Variants in SCRN3 observed in about 807,000 individuals in gnomAD.
The protein encoded by SCRN3 is secernin 3.
Under a neutral mutation model 43.1 loss-of-function variants are expected in SCRN3, and 39 were observed. The observed-to-expected ratio is 0.91, with a 90% CI of 0.70 to 1.18. The LOEUF (loss-of-function observed/expected upper bound fraction) is 1.18. Ranked by LOEUF, SCRN3 falls within the 50% of genes most tolerant of loss-of-function variation. The pLI, the probability that SCRN3 is intolerant of heterozygous loss-of-function variation, is 0.00. For missense variants in SCRN3, 484 were observed against 498.0 expected, an observed-to-expected ratio of 0.97 and a Z score of 0.27; for synonymous variants, 147 against 163.1, an observed-to-expected ratio of 0.90 and a Z score of 0.75.
chr2:174,428,214 T>A lies in SCRN3; in HGVS notation c.*319T>A, dbSNP rs1018599511. On this transcript the variant is annotated 3_prime_UTR_variant, in exon 8 of 8. Coordinates refer to ENST00000272732, the MANE Select transcript of SCRN3 (RefSeq NM_024583.5). Reference sequence around the variant, plus strand: ...CAATTATATATAAAGAGTGAAACATTAAAATGACGCATGGATTTATATTTA... The same window carrying A: ...CAATTATATATAAAGAGTGAAACATAAAAATGACGCATGGATTTATATTTA... The A allele has an allele frequency of 9.7e-5, 16 of 165,006 alleles. No homozygotes were observed. The highest frequency in any genetic ancestry group is 2.1e-4 in the Non-Finnish European group (16 of 76,368). The allele number at this position is 165,006 out of a possible 1,614,324, so 10.2% of individuals were successfully genotyped here.
At chr2:174,396,750 A>C (rs894318098) in intron 1 of SCRN3, among the ~76,000 whole-genome samples, 1 of 151,524 alleles carries the variant, frequency 6.6e-6, no homozygotes, top group African/African-American at 2.4e-5. Flanking sequence ...GTGAGCCAAG[A>C]CTGCTCCATT....
intron 7 of SCRN3, among the ~76,000 whole-genome samples, chr2:174,425,306 T>C (rs1686444319): frequency 6.6e-6 from 1 of 152,200 alleles, no homozygotes; most frequent in Non-Finnish European, 1.5e-5. Flanking sequence ...ATAATGTCTA[T>C]ACCTATTCAG....
At chr2:174,412,132 A>T (rs1320888988) in intron 5 of SCRN3, among the ~76,000 whole-genome samples, 2 of 151,860 alleles carry the variant, frequency 1.3e-5, no homozygotes, top group Non-Finnish European at 2.9e-5. Flanking sequence ...GGCAAAAAAA[A>T]AACCAGAAGT....
chr2:174,398,409 T>C lies in SCRN3; in HGVS notation c.126T>C (p.Ala42=), dbSNP rs775591208. 2 of 1,601,572 alleles carry C rather than the reference T, an allele frequency of 1.2e-6. No individual in the cohort carries two copies. The highest frequency in any genetic ancestry group is 8.5e-7 in the Non-Finnish European group (1 of 1,176,460). ...TACAAGAGGTGGTTTATTTTCCTGC[T>C]GTAGTTCATGATAACCTGGGAGAAC... is the stretch of plus-strand genomic sequence containing the variant. ...DEVQEVVYFP[A]VVHDNLGERL... Residue 42 remains alanine, a synonymous_variant, in exon 2 of 8, where the codon GCT becomes GCC. Transcript: ENST00000272732.
chr2:174,427,365 T>G (rs1366194032), intron 7 of SCRN3, among the ~76,000 whole-genome samples: 8 of 152,202 alleles, frequency 5.3e-5, no homozygotes, highest in Non-Finnish European at 1.5e-5. Flanking sequence ...AGATCAAAAT[T>G]GATAAAAATA....
At chr2:174,396,058 T>C (rs1260119812) in intron 1 of SCRN3, 7 of 1,247,150 alleles carry the variant, frequency 5.6e-6, no homozygotes, top group Non-Finnish European at 7.1e-6. Context: ...TTCTGCACTG[T>C]TTTTCTCATC....
intron 5 of SCRN3, among the ~76,000 whole-genome samples, chr2:174,415,119 T>C (rs1423982809): frequency 6.6e-6 from 1 of 152,234 alleles, no homozygotes; most frequent in Non-Finnish European, 1.5e-5. Flanking sequence ...TGTAGTAGAA[T>C]GTCAGGTCAA....
At position 174,404,276 on chromosome 2, in the gene SCRN3, A is replaced by G. The variant is rs750024868; in HGVS notation, c.715A>G (p.Arg239Gly). Residue 239 changes from arginine (R) to glycine (G), a missense_variant, in exon 5 of 8, where the codon AGA becomes GGA. Transcript: ENST00000272732. ...DTAKMMTSSG[R>G]YCEGYKLLNK... is the part of the protein sequence containing the mutation. ...AGCCAAGATGATGACTTCATCAGGC[A>G]GATACTGTGAGGGCTACAAGCTTCT... 3 of 1,613,796 alleles carry G rather than the reference A, an allele frequency of 1.9e-6. No individual in the cohort carries two copies. The highest frequency in any genetic ancestry group is 1.3e-5 in the African/African-American group (1 of 75,024).
intron 5 of SCRN3, among the ~76,000 whole-genome samples, chr2:174,417,689 G>GT: frequency 6.6e-6 from 1 of 152,182 alleles, no homozygotes; most frequent in East Asian, 1.9e-4. Flanking sequence ...CGCCGCACCT[G>GT]GCCTAATTAT....
intron 5 of SCRN3, among the ~76,000 whole-genome samples, chr2:174,404,592 G>C (rs1313096867): frequency 7.4e-5 from 9 of 122,230 alleles, no homozygotes; most frequent in African/African-American, 2.9e-4. Flanking sequence ...ATCTCCCAAT[G>C]CTATCCCTCC....
chr2:174,411,655 C>G (rs1403132905), intron 5 of SCRN3, among the ~76,000 whole-genome samples: 2 of 152,128 alleles, frequency 1.3e-5, no homozygotes, highest in African/African-American at 4.8e-5. Flanking sequence ...GGTTCTGTGG[C>G]TCACGTATGT....
At chr2:174,413,456 G>T (rs1328441790) in intron 5 of SCRN3, among the ~76,000 whole-genome samples, 7 of 152,074 alleles carry the variant, frequency 4.6e-5, no homozygotes, top group African/African-American at 1.7e-4. Context: ...CTTGCAGTCT[G>T]CCCCACACAT....
At chr2:174,416,336 T>A (rs924566910) in intron 5 of SCRN3, among the ~76,000 whole-genome samples, 4 of 152,068 alleles carry the variant, frequency 2.6e-5, no homozygotes, top group African/African-American at 7.2e-5. Context: ...TTAATTAGAG[T>A]GAAGGTTAGA....
At chr2:174,411,350 T>C (rs1685910226) in intron 5 of SCRN3, among the ~76,000 whole-genome samples, 1 of 152,030 alleles carries the variant, frequency 6.6e-6, no homozygotes, top group African/African-American at 2.4e-5. Flanking sequence ...TGAATCTACA[T>C]GTATTTGCCA....
intron 5 of SCRN3, among the ~76,000 whole-genome samples, chr2:174,416,859 C>A (rs1450814246): frequency 6.6e-6 from 1 of 152,086 alleles, no homozygotes; most frequent in Non-Finnish European, 1.5e-5. Flanking sequence ...GGTGCTAATA[C>A]AGCTATTTAA....
At chr2:174,414,765 CTTT>C (rs553055709) in intron 5 of SCRN3, among the ~76,000 whole-genome samples, 3 of 131,182 alleles carry the variant, frequency 2.3e-5, no homozygotes, top group Admixed American at 8.0e-5. Flanking sequence ...TTTCTATTTT[CTTT>C]TTTTTTTTTT....
intron 7 of SCRN3, among the ~76,000 whole-genome samples, chr2:174,427,077 G>A (rs904318775): frequency 3.3e-5 from 5 of 152,026 alleles, no homozygotes; most frequent in Admixed American, 6.6e-5. Flanking sequence ...TGATCCACCC[G>A]CCATGGCCTC....
chr2:174,421,398 T>TA (rs1686288761), intron 5 of SCRN3, among the ~76,000 whole-genome samples: 1 of 152,180 alleles, frequency 6.6e-6, no homozygotes, highest in African/African-American at 2.4e-5. Context: ...TTGAAAATAA[T>TA]AATAACTTTC....
chr2:174,402,908 C>G (rs1185402675), intron 4 of SCRN3, among the ~76,000 whole-genome samples: 1 of 152,016 alleles, frequency 6.6e-6, no homozygotes, highest in Non-Finnish European at 1.5e-5. Context: ...AGTATAATCT[C>G]TAAGACAGGC....
Sources: allele counts gnomAD v4.1 joint callset (sites outside exome capture counted in the v4.1 genomes callset), GRCh38; gene constraint gnomAD v4.1.1; transcripts MANE v1.5; gene names NCBI Gene and HGNC (gene_info 2026-07-23, HGNC 2026-07-21).